Variants in LYST observed in about 807,000 individuals in gnomAD.
The protein encoded by LYST is lysosomal-trafficking regulator.
In LYST, 192 loss-of-function variants were observed where a neutral mutation model predicts 413.6. The observed-to-expected ratio is 0.46, with a 90% confidence interval of 0.41 to 0.52. LYST has a LOEUF of 0.52. Ranked by LOEUF, LYST falls within the 20% of genes least tolerant of loss-of-function variation. The pLI is 0.00. For synonymous variants in LYST, 1,525 were observed against 1,567.3 expected (o/e 0.97, Z 0.64); for missense variants, 3,815 against 4,499.9 (o/e 0.85, Z 4.35).
At position 235,865,894 on chromosome 1, in the gene LYST, C is replaced by T. The variant is rs1680448828; in HGVS notation, c.-98+949G>A. 2.6e-5 allele frequency among the ~76,000 whole-genome samples: 4 copies of T among 152,182 alleles called. 1 individual carries two copies. The South Asian group carries it at 8.3e-4, about 31-fold the overall frequency. On this transcript the variant is annotated intron_variant, in intron 1 of 52. Transcript: ENST00000389793. The stretch of plus-strand genomic sequence containing the variant: ...TTTGATCTTCAAGGAAACACTGGCC[C>T]AAATTCAACACGAACGCATTCAACA...
chr1:235,869,477 A>G (rs1239766788), upstream of LYST, among the ~76,000 whole-genome samples: 1 of 152,198 alleles, frequency 6.6e-6, no homozygotes, highest in African/African-American at 2.4e-5. Context: ...GTCTCAAAAA[A>G]AAAAATAATA....
chr1:235,793,721 A>G, intron 10 of LYST, 109 bp from the exon 11 acceptor site: 2 of 623,654 alleles, frequency 3.2e-6, no homozygotes, highest in Non-Finnish European at 5.8e-6. Context: ...TGAATGGATT[A>G]TAAAAAATCT....
rs545240869 is a variant in LYST at position 235,808,563 on chromosome 1, A to T, written c.2255T>A (p.Leu752Gln). Residue 752 changes from leucine to glutamine, a missense_variant, in exon 5 of 53, where the codon CTA (leucine) becomes CAA (glutamine). This residue lies in a region of LYST where 1,648 missense variants were observed against 1,810.3 expected (regional missense o/e 0.91). Transcript: ENST00000389793. ...ATGACTTTGAGCTGAAGTAACGCTT[A>T]GGTGTTGACAATGATGTGCTAATTC... ...GVELAHHCQH[L>Q]SVTSAQSHVC... 5.0e-6 allele frequency: 8 copies of T among 1,614,000 alleles called. No homozygotes were observed. The East Asian group carries it at 1.8e-4, about 36-fold the overall frequency.
In LYST at chr1:235,678,163, A is replaced by T. The variant is rs1415791048; in HGVS notation, c.10801-544T>A. The stretch of plus-strand genomic sequence containing the variant: ...GTTTTTTAAGAAGAAATACTTCTGT[A>T]AAAAAAAAATTCTGGGCATGGTGGC... On this transcript the variant is annotated intron_variant, in intron 48 of 52. Coordinates refer to ENST00000389793, the MANE Select transcript of LYST (RefSeq NM_000081.4). 2.0e-5 allele frequency among the ~76,000 whole-genome samples: 3 copies of T among 150,230 alleles called. No homozygotes were observed. In the East Asian group the frequency reaches 5.8e-4, roughly 29 times the overall value.
Position 235,738,826 on chromosome 1 carries a change from T to C in LYST, c.8358+2596A>G, listed in dbSNP as rs186741362. ...AGGCGGGTGCACCCAATTTCCACCA[T>C]GATTGGTGGAATAAAGGATGATGTC... On this transcript the variant is annotated intron_variant, in intron 31 of 52. Coordinates refer to ENST00000389793, the MANE Select transcript of LYST (RefSeq NM_000081.4). The C allele has an allele frequency of 4.5e-3, 3,514 of 787,160 alleles. 28 individuals carry two copies. Among genetic ancestry groups the C allele is most frequent in the Non-Finnish European group, 4.1e-3 (1,764 of 428,000 alleles). The allele number at this position is 787,160 out of a possible 1,614,324, so 48.8% of individuals were successfully genotyped here.
At chr1:235,758,086 A>G (rs1185863978) in intron 23 of LYST, among the ~76,000 whole-genome samples, 1 of 152,232 alleles carries the variant, frequency 6.6e-6, no homozygotes, top group African/African-American at 2.4e-5. Context: ...GGTTTAGCCC[A>G]GGTGAAACTT....
In LYST at chr1:235,697,144, G is replaced by A. The variant is rs779484570; in HGVS notation, c.10503C>T (p.Thr3501=). 2.5e-6 allele frequency: 4 copies of A among 1,614,176 alleles called. No individual in the cohort carries two copies. Among genetic ancestry groups the A allele is most frequent in the Non-Finnish European group, 3.4e-6 (4 of 1,180,004 alleles). The part of the protein sequence containing the change: ...ERFGSLQALP[T]RAICGLSRNF... ...TCCGTGACAAACCACAGATTGCTCT[G>A]GTGGGCAGAGCCTGGAGAGAGCCAA... The change falls in exon 46 of 53, where the codon ACC becomes ACT. Residue 3501 remains threonine, a synonymous_variant. Coordinates refer to ENST00000389793, the MANE Select transcript of LYST (RefSeq NM_000081.4).
At chr1:235,708,955 C>A in intron 44 of LYST, 136 bp downstream of exon 44, 1 of 768,180 alleles carries the variant, frequency 1.3e-6, no homozygotes, top group Non-Finnish European at 2.2e-6. Flanking sequence ...CCTGAAAAAT[C>A]TTAGGTGACA....
rs942649160 is a variant in LYST, at chr1:235,755,444, T to C, written c.7229+34A>G. ...AAAAGAAAAGAAAAAAGACAAAAGA[T>C]TCCCAATTATAGTGGAGGGAAGAAC... On this transcript the variant is annotated intron_variant, in intron 25 of 52. Transcript: ENST00000389793. The C allele has an allele frequency of 2.3e-5, 35 of 1,502,690 alleles. 1 individual carries two copies. 93.1% of individuals were successfully genotyped at this position (1,502,690 alleles called of 1,614,324 possible). A position where few individuals can be genotyped will look rare whatever the true frequency, so the allele number is the denominator to read the frequency against.
chr1:235,688,955 A>C (rs989982155), intron 47 of LYST, among the ~76,000 whole-genome samples: 5 of 150,854 alleles, frequency 3.3e-5, no homozygotes, highest in Non-Finnish European at 7.4e-5. Context: ...ACTGCACTCC[A>C]GCCTGGCAAC....
At position 235,800,350 on chromosome 1, in the gene LYST, T is replaced by G. The variant is rs1222326463; in HGVS notation, c.3976A>C (p.Ile1326Leu). 6.3e-7 allele frequency: 1 copy of G among 1,595,132 alleles called. No individual in the cohort carries two copies. Among genetic ancestry groups the G allele is most frequent in the Admixed American group, 1.7e-5 (1 of 59,964 alleles). The stretch of plus-strand genomic sequence containing the variant: ...AAATCAGAATCATCCTGTGTTAAAA[T>G]ACTCAAGAACCCTCCTAAAAGATTT... ...VKNLLGGFLS[I>L]LTQDDSDFQA... Residue 1326 changes from isoleucine to leucine, a missense_variant, in exon 10 of 53, where the codon ATT becomes CTT. This residue lies in a region of LYST where 1,648 missense variants were observed against 1,810.3 expected (regional missense o/e 0.91). Coordinates refer to ENST00000389793, the MANE Select transcript of LYST (RefSeq NM_000081.4).
At position 235,810,070 on chromosome 1, in the gene LYST, T is replaced by C. The variant is rs753002915; in HGVS notation, c.748A>G (p.Met250Val). The C allele has an allele frequency of 1.4e-5, 23 of 1,613,960 alleles. No homozygotes were observed. Among genetic ancestry groups the C allele is most frequent in the Admixed American group, 6.7e-5 (4 of 59,988 alleles). Residue 250 changes from methionine (M) to valine (V), a missense_variant, in exon 5 of 53, where the codon ATG becomes GTG. Around this residue, in one of 4 missense-constraint regions of LYST, gnomAD observed 1,648 missense variants for 1,810.3 expected, o/e 0.91. Transcript: ENST00000389793. ...EPAALSVISN[M>V]NNSPFDLCHV... is the part of the protein sequence containing the mutation. ...CATAAGTCAAATGGAGAATTGTTCA[T>C]GTTACTGATAACAGACAAGGCAGCT...
chr1:235,867,174 C>A (rs1680657100), upstream of LYST, among the ~76,000 whole-genome samples: 1 of 152,230 alleles, frequency 6.6e-6, no homozygotes, highest in African/African-American at 2.4e-5. Context: ...GTCTGGGTTT[C>A]TCAGCGGTCG....
intron 25 of LYST, 43 bp downstream of exon 25, chr1:235,755,435 G>GAAAAGAAAAGAAAAGAAAAGAAAAGAAA (rs1421214767): frequency 8.3e-7 from 1 of 1,208,114 alleles, no homozygotes; most frequent in African/African-American, 1.7e-5. Flanking sequence ...AAAGAAAAAA[G>GAAAAGAAAAGAAAAGAAAAGAAAAGAAA]ACAAAAGATT....
In LYST at chr1:235,751,105, T is replaced by A. The variant is rs958497305; in HGVS notation, c.7780+105A>T. 5 of 1,181,652 alleles carry A rather than the reference T, an allele frequency of 4.2e-6. No homozygotes were observed. The African/African-American group carries it at 7.6e-5, about 18-fold the overall frequency. The allele number at this position is 1,181,652 out of a possible 1,614,324, so 73.2% of individuals were successfully genotyped here. A position where few individuals can be genotyped will look rare whatever the true frequency, so the allele number is the denominator to read the frequency against. The stretch of plus-strand genomic sequence containing the variant: ...CTTCAGGAAAAAATCTTTCTTAAAT[T>A]TTATGTAAAACAAGAAATATTTTAA... On this transcript the variant is annotated intron_variant, in intron 28 of 52. Transcript: ENST00000389793.
intron 18 of LYST, among the ~76,000 whole-genome samples, chr1:235,774,406 A>G (rs560205048): frequency 6.6e-6 from 1 of 152,326 alleles, no homozygotes; most frequent in African/African-American, 2.4e-5. Context: ...AGTCTCAGAG[A>G]GAAATATTTC....
chr1:235,774,050 A>G (rs1186609311), intron 18 of LYST, 59 bp from the exon 19 acceptor site: 3 of 1,142,896 alleles, frequency 2.6e-6, no homozygotes, highest in Non-Finnish European at 4.0e-6. Flanking sequence ...AGGAAGTTCA[A>G]CAGAAACATT....
At chr1:235,744,293 A>G (rs1279940245) in intron 29 of LYST, 136 bp from the exon 30 acceptor site, 2 of 623,552 alleles carry the variant, frequency 3.2e-6, no homozygotes, top group African/African-American at 3.7e-5. Flanking sequence ...TATCAGGTGT[A>G]TTAGATGTAA....
intron 7 of LYST, among the ~76,000 whole-genome samples, chr1:235,803,521 A>C (rs533788820): frequency 6.6e-6 from 1 of 152,274 alleles, no homozygotes; most frequent in Non-Finnish European, 1.5e-5. Context: ...AAAGGGATTA[A>C]TTAAAAGATC....
Sources: gnomAD v4.1 joint callset for allele counts (sites outside exome capture counted in the v4.1 genomes callset) on GRCh38, gnomAD v4.1.1 for gene constraint, gnomAD v4.1.1 regional missense constraint, MANE v1.5 for transcripts, NCBI Gene and HGNC (gene_info 2026-07-23, HGNC 2026-07-21) for gene names.